ATP2B4: variants seen among roughly 807,000 people sequenced by gnomAD.
ATP2B4 encodes ATPase plasma membrane Ca2+ transporting 4.
In ATP2B4, 39 loss-of-function variants were observed where a neutral mutation model predicts 110.3. That is an observed-to-expected ratio of 0.35 (90% confidence interval 0.27 to 0.46). The LOEUF (loss-of-function observed/expected upper bound fraction) is 0.46, where lower values mean the gene tolerates loss of function less well. Among genes scored for constraint, ATP2B4 ranks in the 20% least tolerant of loss-of-function variants. The pLI, the probability that ATP2B4 is intolerant of heterozygous loss-of-function variation, is 1.00. For missense variants in ATP2B4, 1,135 were observed against 1,530.9 expected, an observed-to-expected ratio of 0.74 and a Z score of 4.32; for synonymous variants, 538 against 571.7, an observed-to-expected ratio of 0.94 and a Z score of 0.84.
In ATP2B4 at chr1:203,700,851, A is replaced by G; in HGVS notation, c.829A>G (p.Asn277Asp). The change falls in exon 6 of 21, where the codon AAC (asparagine) becomes GAC (aspartate). Residue 277 changes from asparagine (N) to aspartate (D), a missense_variant. Transcript: ENST00000357681. ...GRMVVTAVGV[N>D]SQTGIILTLL... The stretch of plus-strand genomic sequence containing the variant: ...GATGGTGGTGACAGCTGTTGGTGTC[A>G]ACTCTCAGACTGGAATCATCCTTAC... 1 of 1,613,876 alleles carries G rather than the reference A, an allele frequency of 6.2e-7. No homozygotes were observed. Among genetic ancestry groups the G allele is most frequent in the Non-Finnish European group, 8.5e-7 (1 of 1,179,834 alleles).
At chr1:203,638,854 GTTA>G (rs1229571636) in intron 1 of ATP2B4, among the ~76,000 whole-genome samples, 2 of 152,188 alleles carry the variant, frequency 1.3e-5, no homozygotes, top group African/African-American at 4.8e-5. Flanking sequence ...TACTGTTGCT[GTTA>G]TTATTAACAA....
intron 20 of ATP2B4, among the ~76,000 whole-genome samples, chr1:203,730,390 C>A (rs902919786): frequency 7.9e-5 from 12 of 152,114 alleles, no homozygotes; most frequent in African/African-American, 2.7e-4. Context: ...AATCCCCACG[C>A]TCACTCCCTA....
intron 19 of ATP2B4, among the ~76,000 whole-genome samples, chr1:203,727,107 A>G (rs996501561): frequency 6.6e-6 from 1 of 152,208 alleles, no homozygotes; most frequent in Non-Finnish European, 1.5e-5. Context: ...TGAGACAGAA[A>G]GAGGAAAATG....
chr1:203,701,980 A>G (rs1244155936), intron 6 of ATP2B4, 64 bp from the exon 7 acceptor site: 1 of 1,592,094 alleles, frequency 6.3e-7, no homozygotes, highest in Non-Finnish European at 8.6e-7. Flanking sequence ...CAGGACCAAC[A>G]AATTGGATCT....
At position 203,658,368 on chromosome 1, in the gene ATP2B4, T is replaced by TA. The variant is rs530207721; in HGVS notation, c.-464-24358dup. ...GAGAAACCTCATCTCTAATAAAAAT[T>TA]AAAAAAAAAAAAAAAAGCCTGGCAT... is the stretch of plus-strand genomic sequence containing the variant. On this transcript the variant is annotated intron_variant, in intron 1 of 20. Coordinates refer to ENST00000357681, the MANE Select transcript of ATP2B4 (RefSeq NM_001684.5). 7.0e-3 allele frequency among the ~76,000 whole-genome samples: 820 copies of TA among 117,302 alleles called. 9 individuals carry two copies. Among genetic ancestry groups the TA allele is most frequent in the African/African-American group, 0.021 (673 of 32,752 alleles). The allele number at this position is 117,302 out of a possible 152,430, so 77.0% of individuals were successfully genotyped here.
chr1:203,685,793 G>A (rs915229967), intron 2 of ATP2B4, among the ~76,000 whole-genome samples: 3 of 152,240 alleles, frequency 2.0e-5, no homozygotes, highest in Admixed American at 6.5e-5. Context: ...AGCCCATAGA[G>A]TTACTGAGAT....
At position 203,739,657 on chromosome 1, in the gene ATP2B4, G is replaced by A; in HGVS notation, c.3421G>A (p.Glu1141Lys). The A allele has an allele frequency of 6.2e-7, 1 of 1,614,132 alleles. No individual in the cohort carries two copies. Among genetic ancestry groups the A allele is most frequent in the Non-Finnish European group, 8.5e-7 (1 of 1,180,022 alleles). Residue 1141 changes from glutamate to lysine, a missense_variant, in exon 21 of 21, where the codon GAG (glutamate) becomes AAG (lysine). This residue lies in a region of ATP2B4 where 92 missense variants were observed against 82.5 expected (regional missense o/e 1.11). Transcript: ENST00000357681. ...MTHPEFAIEE[E>K]LPRTPLLDEE... is the part of the protein sequence containing the mutation. The stretch of plus-strand genomic sequence containing the variant: ...CCACCCTGAATTCGCCATAGAGGAG[G>A]AGTTGCCACGAACACCACTCCTGGA...
At chr1:203,641,253 G>A (rs1024732077) in intron 1 of ATP2B4, among the ~76,000 whole-genome samples, 2 of 152,190 alleles carry the variant, frequency 1.3e-5, no homozygotes, top group Non-Finnish European at 2.9e-5. Context: ...GCTCTCCGAA[G>A]TAAATTAACT....
At chr1:203,722,241 G>C (rs1666358895) in intron 17 of ATP2B4, among the ~76,000 whole-genome samples, 1 of 152,146 alleles carries the variant, frequency 6.6e-6, no homozygotes, top group Non-Finnish European at 1.5e-5. Flanking sequence ...AGGCTGAGAT[G>C]GAAGGATCAC....
chr1:203,732,201 C>T (rs1006867635), intron 20 of ATP2B4, among the ~76,000 whole-genome samples: 2 of 151,278 alleles, frequency 1.3e-5, no homozygotes, highest in African/African-American at 4.9e-5. Flanking sequence ...AAATGAATGG[C>T]ATTAATTGCC....
Position 203,658,722 on chromosome 1 carries a change from A to G in ATP2B4, c.-464-24020A>G, listed in dbSNP as rs1256847565. Among the ~76,000 whole-genome samples, 3 of 152,118 alleles carry G rather than the reference A, an allele frequency of 2.0e-5. No individual in the cohort carries two copies. In the East Asian group the frequency reaches 5.8e-4, roughly 29 times the overall value. Reference sequence around the variant, plus strand: ...AACTATAGTATATAAATTGGAAGGTAAGGCCAGGCATGGTGGCCCATGCCT... The same window carrying G: ...AACTATAGTATATAAATTGGAAGGTGAGGCCAGGCATGGTGGCCCATGCCT... On this transcript the variant is annotated intron_variant, in intron 1 of 20. Transcript: ENST00000357681.
intron 1 of ATP2B4, among the ~76,000 whole-genome samples, chr1:203,642,656 A>C (rs551270068): frequency 6.6e-6 from 1 of 152,272 alleles, no homozygotes; most frequent in African/African-American, 2.4e-5. Context: ...CAAATCCTGA[A>C]TCCATTCCTG....
chr1:203,661,777 TC>T (rs1367372510), intron 1 of ATP2B4, among the ~76,000 whole-genome samples: 1 of 151,956 alleles, frequency 6.6e-6, no homozygotes, highest in African/African-American at 2.4e-5. Flanking sequence ...CTGTGTGGGC[TC>T]CCAGCCCTGG....
intron 1 of ATP2B4, among the ~76,000 whole-genome samples, chr1:203,628,843 T>C (rs1172127765): frequency 1.3e-5 from 2 of 151,986 alleles, no homozygotes; most frequent in Non-Finnish European, 2.9e-5. Flanking sequence ...TCCTAGCCCA[T>C]GTGCTGAGTT....
Position 203,711,980 on chromosome 1 carries a change from A to G in ATP2B4, c.2052A>G (p.Lys684=), listed in dbSNP as rs199568181. The change falls in exon 13 of 21, where the codon AAA becomes AAG. Residue 684 remains lysine, a synonymous_variant. Transcript: ENST00000357681. ...CATAGGTGCCAGATGCTATTGCCAA[A>G]TGCAAACAAGCTGGCATTACTGTCA... ...VRPEVPDAIA[K]CKQAGITVRM... 62 of 1,614,124 alleles carry G rather than the reference A, an allele frequency of 3.8e-5. No individual in the cohort carries two copies. The highest frequency in any genetic ancestry group is 5.0e-5 in the Non-Finnish European group (59 of 1,180,000).
intron 1 of ATP2B4, among the ~76,000 whole-genome samples, chr1:203,652,892 T>A (rs1664040966): frequency 6.6e-6 from 1 of 152,154 alleles, no homozygotes; most frequent in East Asian, 1.9e-4. Context: ...AGTAGGCCAG[T>A]TAATAACCCT....
At chr1:203,703,009 C>T (rs1321111908) in intron 7 of ATP2B4, among the ~76,000 whole-genome samples, 1 of 151,990 alleles carries the variant, frequency 6.6e-6, no homozygotes, top group Admixed American at 6.5e-5. Flanking sequence ...CAGCTTCTTC[C>T]CTCTTCCCCA....
intron 15 of ATP2B4, among the ~76,000 whole-genome samples, chr1:203,719,225 GAAAAAAAAAA>G (rs60841821): frequency 1.8e-5 from 1 of 54,378 alleles, no homozygotes; most frequent in African/African-American, 7.5e-5. Flanking sequence ...ACCCTGTCTC[GAAAAAAAAAA>G]AAAAAAAAAA....
At chr1:203,704,724 G>A (rs564861031) in intron 8 of ATP2B4, among the ~76,000 whole-genome samples, 9 of 151,902 alleles carry the variant, frequency 5.9e-5, no homozygotes, top group South Asian at 2.1e-4. Context: ...CAAGTGATCC[G>A]CCCACCTCGG....
Sources: allele counts gnomAD v4.1 joint callset (sites outside exome capture counted in the v4.1 genomes callset), GRCh38; gene constraint gnomAD v4.1.1; regional missense constraint gnomAD v4.1.1; transcripts MANE v1.5; gene names NCBI Gene and HGNC (gene_info 2026-07-23, HGNC 2026-07-21).